The following TSPAN5 variants were observed in gnomAD, a reference collection of about 807,000 sequenced individuals.
The protein encoded by TSPAN5 is tetraspanin-5.
Under a neutral mutation model 37.1 loss-of-function variants are expected in TSPAN5, and 10 were observed. The ratio of observed to expected loss-of-function variants is 0.27; its 90% CI spans 0.17 to 0.46. The LOEUF is 0.46. TSPAN5 is among the 20% of genes least tolerant of loss of function. The pLI is 1.00. For missense variants in TSPAN5, 195 were observed against 326.6 expected (o/e 0.60, Z 3.11); for synonymous variants, 110 against 118.9 (o/e 0.93, Z 0.48).
chr4:98,472,419 G>A lies in TSPAN5; in HGVS notation c.*103C>T. On this transcript the variant is annotated 3_prime_UTR_variant, in exon 8 of 8. Coordinates refer to ENST00000305798, the MANE Select transcript of TSPAN5 (RefSeq NM_005723.4). ...GCTCCATTAGGCGAGACTGCAGGCT[G>A]CATCTGTGATTAGGTCCATGCAGCT... 1 of 952,238 alleles carries A rather than the reference G, an allele frequency of 1.1e-6. No individual in the cohort carries two copies. Among genetic ancestry groups the A allele is most frequent in the South Asian group, 1.6e-5 (1 of 63,714 alleles). 59.0% of individuals were successfully genotyped at this position (952,238 alleles called of 1,614,324 possible).
chr4:98,477,191 G>A (rs772332617), intron 5 of TSPAN5, among the ~76,000 whole-genome samples: 7 of 152,344 alleles, frequency 4.6e-5, no homozygotes, highest in African/African-American at 1.4e-4. Context: ...CGCACTGTGC[G>A]GCACCCGCTG....
chr4:98,579,850 C>G (rs1305413164), intron 1 of TSPAN5, among the ~76,000 whole-genome samples: 1 of 152,116 alleles, frequency 6.6e-6, no homozygotes, highest in East Asian at 1.9e-4. Context: ...AATTTGGTCC[C>G]AATTACTATA....
intron 3 of TSPAN5, chr4:98,486,447 A>G: frequency 3.1e-6 from 1 of 325,576 alleles, no homozygotes; most frequent in South Asian, 4.3e-5. Flanking sequence ...ATATATATAT[A>G]CCTACCTTAG....
intron 1 of TSPAN5, among the ~76,000 whole-genome samples, chr4:98,543,242 G>A (rs758227024): frequency 3.3e-5 from 5 of 152,194 alleles, no homozygotes; most frequent in East Asian, 1.9e-4. Flanking sequence ...TGGCAACAGC[G>A]TTTCAACTCT....
intron 1 of TSPAN5, among the ~76,000 whole-genome samples, chr4:98,627,945 A>G (rs1452709997): frequency 1.3e-5 from 2 of 152,254 alleles, no homozygotes; most frequent in African/African-American, 4.8e-5. Context: ...ACTGGAAGTT[A>G]CAGGCAACAT....
chr4:98,598,391 C>T (rs368032446), intron 1 of TSPAN5, among the ~76,000 whole-genome samples: 3 of 150,752 alleles, frequency 2.0e-5, no homozygotes, highest in Non-Finnish European at 3.0e-5. Context: ...AGAAATCACC[C>T]GTCTTCTGCG....
At chr4:98,572,934 C>T (rs1001728344) in intron 1 of TSPAN5, among the ~76,000 whole-genome samples, 7 of 152,324 alleles carry the variant, frequency 4.6e-5, no homozygotes, top group African/African-American at 1.7e-4. Flanking sequence ...TTGCCCACTG[C>T]ATAATTAGCC....
At chr4:98,514,461 G>T (rs988562910) in intron 1 of TSPAN5, among the ~76,000 whole-genome samples, 1 of 152,170 alleles carries the variant, frequency 6.6e-6, no homozygotes, top group Admixed American at 6.5e-5. Context: ...ACTGTGGGCT[G>T]GTGGAAAATT....
Position 98,530,684 on chromosome 4 carries a change from A to C in TSPAN5, c.82-22956T>G, listed in dbSNP as rs551734974. Among the ~76,000 whole-genome samples, 18 of 152,254 alleles carry C rather than the reference A, an allele frequency of 1.2e-4. No individual in the cohort carries two copies. The South Asian group carries it at 3.5e-3, about 30-fold the overall frequency. ...TTTCATTTGCAGAGTAAACTAGAGC[A>C]GTTATTAGATTCACTTAAGATTACA... On this transcript the variant is annotated intron_variant, in intron 1 of 7. Transcript: ENST00000305798.
chr4:98,658,069 G>A, intron 1 of TSPAN5, 77 bp downstream of exon 1: 2 of 1,327,234 alleles, frequency 1.5e-6, no homozygotes, highest in Non-Finnish European at 2.2e-6. Flanking sequence ...AAAAGTAAAG[G>A]CAACGAACAA....
At chr4:98,598,397 C>T (rs1474672575) in intron 1 of TSPAN5, among the ~76,000 whole-genome samples, 2 of 151,064 alleles carry the variant, frequency 1.3e-5, no homozygotes, top group Admixed American at 6.6e-5. Context: ...CACCCGTCTT[C>T]TGCGTCGCTC....
chr4:98,604,815 A>G (rs1755967521), intron 1 of TSPAN5, among the ~76,000 whole-genome samples: 1 of 152,244 alleles, frequency 6.6e-6, no homozygotes, highest in African/African-American at 2.4e-5. Flanking sequence ...AATCTCTAAT[A>G]CAACCCTAAA....
intron 6 of TSPAN5, 23 bp downstream of exon 6, chr4:98,476,390 C>A: frequency 6.2e-7 from 1 of 1,614,180 alleles, no homozygotes; most frequent in South Asian, 1.1e-5. Context: ...TCGTGCTAAG[C>A]AACAACATGA....
intron 1 of TSPAN5, among the ~76,000 whole-genome samples, chr4:98,607,843 T>C (rs1436464484): frequency 6.6e-6 from 1 of 151,942 alleles, no homozygotes; most frequent in Non-Finnish European, 1.5e-5. Context: ...CCTGAGTAGC[T>C]GGGATTACAA....
chr4:98,564,635 C>T (rs1317648554), intron 1 of TSPAN5, among the ~76,000 whole-genome samples: 1 of 152,036 alleles, frequency 6.6e-6, no homozygotes, highest in Non-Finnish European at 1.5e-5. Flanking sequence ...TTTAAGGAGG[C>T]ATCCGATTTA....
Position 98,472,446 on chromosome 4 carries a change from G to A in TSPAN5, c.*76C>T, listed in dbSNP as rs1046718679. ...ATCTGTGATTAGGTCCATGCAGCTC[G>A]AAGATCAGTTCGGCACGCGGGAGGG... On this transcript the variant is annotated 3_prime_UTR_variant, in exon 8 of 8. Transcript: ENST00000305798. The A allele has an allele frequency of 4.4e-6, 6 of 1,353,102 alleles. No individual in the cohort carries two copies. The highest frequency in any genetic ancestry group is 2.4e-5 in the South Asian group (2 of 82,794). The allele number at this position is 1,353,102 out of a possible 1,614,324, so 83.8% of individuals were successfully genotyped here. A position where few individuals can be genotyped will look rare whatever the true frequency, so the allele number is the denominator to read the frequency against.
At chr4:98,595,526 T>C (rs1339750200) in intron 1 of TSPAN5, among the ~76,000 whole-genome samples, 20 of 127,614 alleles carry the variant, frequency 1.6e-4, no homozygotes, top group Non-Finnish European at 2.9e-4. Context: ...AATTGTGATG[T>C]TAGGGTGTCA....
intron 1 of TSPAN5, among the ~76,000 whole-genome samples, chr4:98,577,258 C>T (rs1204636002): frequency 1.1e-4 from 16 of 152,190 alleles, no homozygotes; most frequent in African/African-American, 2.4e-5. Context: ...AAGGCTCACA[C>T]ATTATATTAA....
chr4:98,503,880 C>T (rs1753413489), intron 2 of TSPAN5, among the ~76,000 whole-genome samples: 1 of 152,170 alleles, frequency 6.6e-6, no homozygotes, highest in South Asian at 2.1e-4. Context: ...TGATTCATGT[C>T]ACATAATTGT....
Sources: gnomAD v4.1 joint callset for allele counts (sites outside exome capture counted in the v4.1 genomes callset) on GRCh38, gnomAD v4.1.1 for gene constraint, MANE v1.5 for transcripts, NCBI Gene and HGNC (gene_info 2026-07-23, HGNC 2026-07-21) for gene names.